The following SNX9 variants were observed in gnomAD, a reference collection of about 807,000 sequenced individuals.
The protein encoded by SNX9 is sorting nexin 9, also known as sorting nexin-9.
In SNX9, 44 loss-of-function variants were observed where a neutral mutation model predicts 89.4. That is an observed-to-expected ratio of 0.49 (90% CI 0.39 to 0.63). The LOEUF (loss-of-function observed/expected upper bound fraction) is 0.63, where lower values mean the gene tolerates loss of function less well. Among genes scored for constraint, SNX9 ranks in the 30% least tolerant of loss-of-function variants. The probability of loss-of-function intolerance (pLI) is 0.00; values close to 1 mark genes in which losing one functional copy is unlikely to be tolerated. For missense variants in SNX9, 578 were observed against 736.1 expected (o/e 0.79, Z 2.49); for synonymous variants, 236 against 247.8 (o/e 0.95, Z 0.45).
intron 6 of SNX9, among the ~76,000 whole-genome samples, chr6:157,904,353 GAA>G (rs1159211216): frequency 3.7e-4 from 56 of 152,108 alleles, no homozygotes; most frequent in Non-Finnish European, 1.8e-4. Context: ...AGAATCGCTT[GAA>G]CCCGGGAGAC....
intron 1 of SNX9, chr6:157,829,018 G>A: frequency 6.6e-6 from 1 of 152,092 alleles, no homozygotes; most frequent in African/African-American, 2.4e-5. Flanking sequence ...TAAGTGACTC[G>A]ATTATTGAAG....
intron 7 of SNX9, among the ~76,000 whole-genome samples, 168 bp downstream of exon 7, chr6:157,906,380 A>G (rs1783215837): frequency 6.6e-6 from 1 of 152,246 alleles, no homozygotes; most frequent in South Asian, 2.1e-4. Flanking sequence ...AAGATAATTA[A>G]CACAAATTAA....
At chr6:157,902,870 G>A (rs551196858) in intron 6 of SNX9, among the ~76,000 whole-genome samples, 49 of 151,920 alleles carry the variant, frequency 3.2e-4, no homozygotes, top group Admixed American at 1.2e-3. Flanking sequence ...GTTTTACCAC[G>A]TTGGCCAGGC....
In SNX9 at chr6:157,944,343, A is replaced by AT. The variant is rs1013313392; in HGVS notation, c.*1507dup. The stretch of plus-strand genomic sequence containing the variant: ...GGTTTTTGTTAATGTTTCATAAGTA[A>AT]TTCTCCCCACTTGATTTTTCTTCTA... On this transcript the variant is annotated 3_prime_UTR_variant, in exon 18 of 18. Coordinates refer to ENST00000392185, the MANE Select transcript of SNX9 (RefSeq NM_016224.5). The AT allele has an allele frequency of 1.3e-5, 2 of 152,612 alleles. No homozygotes were observed. Among genetic ancestry groups the AT allele is most frequent in the Admixed American group, 1.3e-4 (2 of 15,268 alleles). 9.5% of individuals were successfully genotyped at this position (152,612 alleles called of 1,614,324 possible).
chr6:157,944,232 G>A lies in SNX9; in HGVS notation c.*1394G>A, dbSNP rs1784098339. The A allele has an allele frequency of 6.6e-6, 1 of 152,584 alleles. No homozygotes were observed. Among genetic ancestry groups the A allele is most frequent in the African/African-American group, 2.4e-5 (1 of 41,454 alleles). The allele number at this position is 152,584 out of a possible 1,614,324, so 9.5% of individuals were successfully genotyped here. A position where few individuals can be genotyped will look rare whatever the true frequency, so the allele number is the denominator to read the frequency against. On this transcript the variant is annotated 3_prime_UTR_variant, in exon 18 of 18. Transcript: ENST00000392185. ...ACCTAATAATTACGGGAAATGGAAA[G>A]TCTGGGCCAGCATCAATAAAATGAC... is the stretch of plus-strand genomic sequence containing the variant.
intron 4 of SNX9, among the ~76,000 whole-genome samples, chr6:157,883,522 T>C (rs1057208203): frequency 1.3e-5 from 2 of 152,224 alleles, no homozygotes; most frequent in Non-Finnish European, 1.5e-5. Flanking sequence ...GTAGGGAAAC[T>C]GTAGAAGAAA....
intron 10 of SNX9, among the ~76,000 whole-genome samples, chr6:157,924,968 A>G (rs1451262243): frequency 1.3e-5 from 2 of 152,216 alleles, no homozygotes; most frequent in Admixed American, 6.5e-5. Context: ...ATAACGTGGA[A>G]CATCCTCCTA....
intron 6 of SNX9, among the ~76,000 whole-genome samples, chr6:157,903,620 C>T (rs1783151739): frequency 6.6e-6 from 1 of 152,110 alleles, no homozygotes; most frequent in East Asian, 1.9e-4. Flanking sequence ...ATTTTGAAAA[C>T]GAAGGAAGCA....
At chr6:157,932,609 T>C (rs1305340123) in intron 13 of SNX9, among the ~76,000 whole-genome samples, 2 of 152,082 alleles carry the variant, frequency 1.3e-5, no homozygotes, top group African/African-American at 4.8e-5. Flanking sequence ...CTCACACCTA[T>C]AATTCCAACA....
chr6:157,830,686 T>C (rs1781463364), intron 1 of SNX9: 1 of 152,210 alleles, frequency 6.6e-6, no homozygotes, highest in African/African-American at 2.4e-5. Flanking sequence ...TGAAATGTGG[T>C]TAGTGTGACT....
chr6:157,841,328 G>A (rs1408908336), intron 1 of SNX9, among the ~76,000 whole-genome samples: 1 of 152,194 alleles, frequency 6.6e-6, no homozygotes, highest in African/African-American at 2.4e-5. Context: ...CAATGATTAG[G>A]AGAGGCACAA....
rs757051730 is a variant in SNX9 at position 157,925,219 on chromosome 6, G to A, written c.1081-1892G>A. Among the ~76,000 whole-genome samples the A allele has an allele frequency of 2.0e-5, 3 of 152,148 alleles. No individual in the cohort carries two copies. In the South Asian group the frequency reaches 6.2e-4, roughly 32 times the overall value. ...TGTGATCATGTACTTCATAAAATAA[G>A]GTATCTGAATCAACAACAGATGTGT... On this transcript the variant is annotated intron_variant, in intron 10 of 17. Coordinates refer to ENST00000392185, the MANE Select transcript of SNX9 (RefSeq NM_016224.5).
chr6:157,846,960 T>A (rs1209317525), intron 1 of SNX9, among the ~76,000 whole-genome samples: 8 of 152,118 alleles, frequency 5.3e-5, no homozygotes, highest in Admixed American at 5.2e-4. Context: ...GGGATGAGAA[T>A]CACTTGAACC....
intron 1 of SNX9, among the ~76,000 whole-genome samples, chr6:157,833,907 G>C (rs1781521364): frequency 6.6e-6 from 1 of 152,202 alleles, no homozygotes; most frequent in Non-Finnish European, 1.5e-5. Flanking sequence ...GAAGCACCAG[G>C]TTTTTGTAGT....
intron 15 of SNX9, 39 bp downstream of exon 15, chr6:157,937,562 G>T (rs761080274): frequency 7.0e-7 from 1 of 1,424,358 alleles, no homozygotes; most frequent in Non-Finnish European, 9.9e-7. Flanking sequence ...ACAACAGCAG[G>T]TGAAGGAGGC....
chr6:157,927,146 T>G lies in SNX9; in HGVS notation c.1116T>G (p.Asp372Glu). 1.9e-6 allele frequency: 3 copies of G among 1,614,026 alleles called. No homozygotes were observed. Among genetic ancestry groups the G allele is most frequent in the Non-Finnish European group, 2.5e-6 (3 of 1,179,932 alleles). Residue 372 changes from aspartate (D) to glutamate (E), a missense_variant, in exon 11 of 18, where the codon GAT becomes GAG. Asp to Glu is a conservative substitution (Grantham distance 45). Coordinates refer to ENST00000392185, the MANE Select transcript of SNX9 (RefSeq NM_016224.5). ...CTGGAAAGAGGAAGGCCGAGAGAGA[T>G]GAGCTGGCGGGAGTCATGATATTTT... ...WKTGKRKAER[D>E]ELAGVMIFST...
At chr6:157,865,340 GAAA>G (rs541824549) in intron 1 of SNX9, among the ~76,000 whole-genome samples, 1 of 95,480 alleles carries the variant, frequency 1.0e-5, no homozygotes, top group Admixed American at 1.2e-4. Flanking sequence ...ACAGTCTCAG[GAAA>G]AAAAAAAAAA....
intron 1 of SNX9, among the ~76,000 whole-genome samples, chr6:157,863,434 A>T (rs948676124): frequency 6.6e-6 from 1 of 152,242 alleles, no homozygotes; most frequent in African/African-American, 2.4e-5. Context: ...ATTGATGTCT[A>T]GTAGCCATTC....
intron 2 of SNX9, among the ~76,000 whole-genome samples, chr6:157,869,286 CTG>C (rs1386930995): frequency 6.6e-6 from 1 of 152,160 alleles, no homozygotes; most frequent in East Asian, 1.9e-4. Context: ...ATTGCCGTCT[CTG>C]TGGTGATGAC....
Sources: gnomAD v4.1 joint callset for allele counts (sites outside exome capture counted in the v4.1 genomes callset) on GRCh38, gnomAD v4.1.1 for gene constraint, MANE v1.5 for transcripts, NCBI Gene and HGNC (gene_info 2026-07-23, HGNC 2026-07-21) for gene names.